RIT2: variants seen among roughly 807,000 people sequenced by gnomAD.
RIT2 encodes the protein Ras like without CAAX 2, also known as GTP-binding protein Rit2.
RIT2 carries 24 observed loss-of-function variants against 23.7 expected under a neutral mutation model. That is an observed-to-expected ratio of 1.01 (90% CI 0.73 to 1.43). The LOEUF is 1.43. Ranked by LOEUF, RIT2 falls within the 40% of genes most tolerant of loss-of-function variation. The pLI is 0.00. For synonymous variants in RIT2, 107 were observed against 91.1 expected (o/e 1.17, Z -0.99); for missense variants, 236 against 266.9 (o/e 0.88, Z 0.81).
At chr18:42,846,578 A>G (rs978296326) in intron 4 of RIT2, among the ~76,000 whole-genome samples, 2 of 152,024 alleles carry the variant, frequency 1.3e-5, no homozygotes, top group Non-Finnish European at 2.9e-5. Context: ...TCAATATATA[A>G]ATGAACATTA....
At chr18:42,960,834 A>G (rs1488555221) in intron 3 of RIT2, among the ~76,000 whole-genome samples, 3 of 152,200 alleles carry the variant, frequency 2.0e-5, no homozygotes, top group Non-Finnish European at 4.4e-5. Flanking sequence ...TGAAGAAGGT[A>G]TACTCATCAC....
intron 1 of RIT2, among the ~76,000 whole-genome samples, chr18:43,073,106 T>C (rs1912934938): frequency 6.7e-6 from 1 of 149,794 alleles, no homozygotes; most frequent in Non-Finnish European, 1.5e-5. Flanking sequence ...GTAGAACTCC[T>C]CAGGGGCCAC....
chr18:42,952,869 G>C (rs943442928), intron 3 of RIT2, among the ~76,000 whole-genome samples: 7 of 151,424 alleles, frequency 4.6e-5, no homozygotes, highest in African/African-American at 1.5e-4. Flanking sequence ...AACAAGGCTT[G>C]TATTTTGGGT....
At chr18:42,944,419 T>C (rs1407602992) in intron 3 of RIT2, among the ~76,000 whole-genome samples, 1 of 152,114 alleles carries the variant, frequency 6.6e-6, no homozygotes, top group Non-Finnish European at 1.5e-5. Context: ...ATGTTTCCTA[T>C]ATTTGCAGCA....
At chr18:42,812,039 G>A (rs1225467937) in intron 4 of RIT2, among the ~76,000 whole-genome samples, 7 of 152,118 alleles carry the variant, frequency 4.6e-5, no homozygotes, top group African/African-American at 1.2e-4. Flanking sequence ...CTATAAATAT[G>A]CAAGATGTAT....
chr18:42,790,534 C>T (rs1255351702), intron 4 of RIT2, among the ~76,000 whole-genome samples: 1 of 152,192 alleles, frequency 6.6e-6, no homozygotes, highest in African/African-American at 2.4e-5. Flanking sequence ...GCTCCGCCTC[C>T]TGGGTTCAAG....
intron 4 of RIT2, among the ~76,000 whole-genome samples, chr18:42,750,295 G>A (rs1190039515): frequency 6.6e-6 from 1 of 151,716 alleles, no homozygotes; most frequent in Non-Finnish European, 1.5e-5. Flanking sequence ...TCAGTATAGT[G>A]TTTCTTTGGA....
chr18:42,970,335 T>C (rs1008560155), intron 3 of RIT2, among the ~76,000 whole-genome samples: 1 of 152,170 alleles, frequency 6.6e-6, no homozygotes, highest in Non-Finnish European at 1.5e-5. Context: ...ACATCAATCA[T>C]AGCCTTAATG....
intron 4 of RIT2, among the ~76,000 whole-genome samples, chr18:42,839,676 C>A (rs1372051749): frequency 6.6e-6 from 1 of 152,152 alleles, no homozygotes; most frequent in Non-Finnish European, 1.5e-5. Context: ...TAGCATCTAC[C>A]ATTTAGCAAG....
chr18:43,068,011 CT>C (rs1274123104), intron 1 of RIT2, among the ~76,000 whole-genome samples: 1 of 152,050 alleles, frequency 6.6e-6, no homozygotes, highest in African/African-American at 2.4e-5. Flanking sequence ...TGTGTAAGGC[CT>C]GTGAGATATT....
intron 4 of RIT2, among the ~76,000 whole-genome samples, chr18:42,780,346 A>C (rs1913782316): frequency 6.6e-6 from 1 of 152,024 alleles, no homozygotes; most frequent in Non-Finnish European, 1.5e-5. Context: ...ACTTCAACTC[A>C]GCTTGAGTCA....
At chr18:43,021,020 A>G (rs1911582947) in intron 2 of RIT2, among the ~76,000 whole-genome samples, 1 of 152,146 alleles carries the variant, frequency 6.6e-6, no homozygotes, top group South Asian at 2.1e-4. Flanking sequence ...ACGGGGCTGT[A>G]TTAAAATAAA....
chr18:42,774,377 G>A (rs1400620152), intron 4 of RIT2, among the ~76,000 whole-genome samples: 1 of 152,094 alleles, frequency 6.6e-6, no homozygotes, highest in African/African-American at 2.4e-5. Context: ...AGAAAACCAT[G>A]AGGGGTAAAT....
rs372069901 is a variant in RIT2 at position 42,894,146 on chromosome 18, C to T, written c.426+29426G>A. Reference sequence around the variant, plus strand: ...CACTCCTGTCACCTCCCTATATATCCTGTGGTGGCAATGACACATGAAAAT... The same window carrying T: ...CACTCCTGTCACCTCCCTATATATCTTGTGGTGGCAATGACACATGAAAAT... On this transcript the variant is annotated intron_variant, in intron 4 of 4. Transcript: ENST00000326695. 2.2e-4 allele frequency among the ~76,000 whole-genome samples: 34 copies of T among 152,276 alleles called. No homozygotes were observed. The East Asian group carries it at 6.0e-3, about 27-fold the overall frequency.
At chr18:43,020,330 C>T (rs537985556) in intron 2 of RIT2, among the ~76,000 whole-genome samples, 4 of 151,806 alleles carry the variant, frequency 2.6e-5, no homozygotes, top group Non-Finnish European at 5.9e-5. Context: ...ACTAAAAATA[C>T]AAAAATTAGC....
chr18:42,942,585 C>T (rs1909630152), intron 3 of RIT2, among the ~76,000 whole-genome samples: 1 of 151,994 alleles, frequency 6.6e-6, no homozygotes, highest in African/African-American at 2.4e-5. Flanking sequence ...CACATTCTCC[C>T]CATGTCCACG....
At chr18:43,105,132 T>TGTGTTTG (rs1568083682) in intron 1 of RIT2, among the ~76,000 whole-genome samples, 144 of 87,850 alleles carry the variant, frequency 1.6e-3, no homozygotes, top group South Asian at 5.5e-3. Flanking sequence ...GTGTGTGTGT[T>TGTGTTTG]TGTGTGTGTG....
intron 1 of RIT2, among the ~76,000 whole-genome samples, chr18:43,063,569 A>T (rs899768087): frequency 2.0e-5 from 3 of 152,130 alleles, no homozygotes; most frequent in Non-Finnish European, 4.4e-5. Flanking sequence ...ATTCTTCTTT[A>T]GTAATATGTT....
rs146144149 is a variant in RIT2 at position 42,754,951 on chromosome 18, C to G, written c.427-11231G>C. 3.9e-4 allele frequency among the ~76,000 whole-genome samples: 60 copies of G among 152,294 alleles called. No individual in the cohort carries two copies. In the East Asian group the frequency reaches 0.011, roughly 27 times the overall value. On this transcript the variant is annotated intron_variant, in intron 4 of 4. Transcript: ENST00000326695. ...GTGGGTAGGTTCTGGAATCACATTA[C>G]TAGGATCTAAATCCTGGCTACACCA...
Sources: gnomAD v4.1 joint callset for allele counts (sites outside exome capture counted in the v4.1 genomes callset) on GRCh38, gnomAD v4.1.1 for gene constraint, MANE v1.5 for transcripts, NCBI Gene and HGNC (gene_info 2026-07-23, HGNC 2026-07-21) for gene names.